The following BCAR3 variants were observed in gnomAD, a reference collection of about 807,000 sequenced individuals.
The protein encoded by BCAR3 is breast cancer anti-estrogen resistance protein 3.
Under a neutral mutation model 80.1 loss-of-function variants are expected in BCAR3, and 37 were observed. That is an observed-to-expected ratio of 0.46 (90% CI 0.36 to 0.61). The LOEUF (loss-of-function observed/expected upper bound fraction) is 0.61. Ranked by LOEUF, BCAR3 falls within the 20% of genes least tolerant of loss-of-function variation. The pLI is 0.00. For missense variants in BCAR3, 978 were observed against 1,068.2 expected, an observed-to-expected ratio of 0.92 and a Z score of 1.18; for synonymous variants, 389 against 418.9, an observed-to-expected ratio of 0.93 and a Z score of 0.87.
intron 2 of BCAR3, among the ~76,000 whole-genome samples, chr1:93,733,899 A>C (rs1426662480): frequency 2.0e-5 from 3 of 152,240 alleles, no homozygotes; most frequent in Non-Finnish European, 2.9e-5. Flanking sequence ...TTAATTTGAA[A>C]AGCAGAATCT....
At chr1:93,729,513 A>G (rs1271803863) in intron 2 of BCAR3, among the ~76,000 whole-genome samples, 1 of 152,228 alleles carries the variant, frequency 6.6e-6, no homozygotes, top group Admixed American at 6.5e-5. Context: ...GGGACCAACC[A>G]GATCTGACAT....
intron 2 of BCAR3, among the ~76,000 whole-genome samples, chr1:93,817,111 C>G (rs1654048746): frequency 6.6e-6 from 1 of 152,248 alleles, no homozygotes; most frequent in South Asian, 2.1e-4. Context: ...GTTCAACCAA[C>G]ACTGTTCTGG....
intron 2 of BCAR3, among the ~76,000 whole-genome samples, chr1:93,743,210 G>C (rs1307540655): frequency 1.3e-5 from 2 of 152,088 alleles, no homozygotes; most frequent in East Asian, 3.9e-4. Context: ...GGTGCTAGGT[G>C]TATTTAAAAC....
At chr1:93,725,136 A>C (rs1275570456) in intron 2 of BCAR3, among the ~76,000 whole-genome samples, 2 of 152,132 alleles carry the variant, frequency 1.3e-5, no homozygotes, top group African/African-American at 2.4e-5. Context: ...TTCATTGTCT[A>C]TGTCCCACTC....
intron 3 of BCAR3, among the ~76,000 whole-genome samples, chr1:93,700,226 C>T (rs567238932): frequency 0.033 from 4,947 of 152,200 alleles, 260 homozygotes; most frequent in African/African-American, 0.11. Context: ...AGGGTCTAGC[C>T]TTGTTGCCCA....
intron 3 of BCAR3, among the ~76,000 whole-genome samples, chr1:93,593,550 T>G (rs962845693): frequency 2.0e-5 from 3 of 151,568 alleles, no homozygotes; most frequent in African/African-American, 4.9e-5. Flanking sequence ...TTTTGTAATT[T>G]TTTTTTTAGA....
Position 93,838,780 on chromosome 1 carries a change from G to A in BCAR3, c.-63+6787C>T, listed in dbSNP as rs543577603. Among the ~76,000 whole-genome samples, 5 of 152,240 alleles carry A rather than the reference G, an allele frequency of 3.3e-5. No individual in the cohort carries two copies. In the South Asian group the frequency reaches 8.3e-4, roughly 25 times the overall value. On this transcript the variant is annotated intron_variant, in intron 2 of 13. Coordinates refer to the BCAR3 transcript ENST00000370244. ...CAAGCAAGGAGGGCAATTTCAGCCG[G>A]TGTATTTGCTACTGGTTGTGACTAT...
At chr1:93,717,832 T>C (rs370926749) in intron 2 of BCAR3, among the ~76,000 whole-genome samples, 2 of 152,116 alleles carry the variant, frequency 1.3e-5, no homozygotes, top group African/African-American at 4.8e-5. Flanking sequence ...CTGCTCATTG[T>C]GGAAAATTGC....
chr1:93,650,831 A>G (rs1676299511), intron 2 of BCAR3, among the ~76,000 whole-genome samples: 1 of 152,126 alleles, frequency 6.6e-6, no homozygotes, highest in Admixed American at 6.5e-5. Context: ...CCACTTGTGC[A>G]AGTAGAAGAT....
intron 2 of BCAR3, among the ~76,000 whole-genome samples, chr1:93,667,731 C>T (rs749945408): frequency 6.6e-6 from 1 of 152,228 alleles, no homozygotes; most frequent in Non-Finnish European, 1.5e-5. Flanking sequence ...TGAAATTCTA[C>T]ATCCAATCCC....
intron 1 of BCAR3, among the ~76,000 whole-genome samples, chr1:93,680,411 GC>G (rs773623722): frequency 8.9e-4 from 136 of 152,278 alleles, no homozygotes; most frequent in Admixed American, 1.9e-3. Context: ...GCAGACAAGC[GC>G]TTTGCCTGTG....
chr1:93,608,465 G>A (rs1027973048), intron 3 of BCAR3, among the ~76,000 whole-genome samples: 4 of 152,310 alleles, frequency 2.6e-5, no homozygotes, highest in African/African-American at 4.8e-5. Flanking sequence ...CTGACCTCTC[G>A]CGCAGGCTGT....
intron 11 of BCAR3, among the ~76,000 whole-genome samples, chr1:93,564,182 G>A (rs1557831626): frequency 6.6e-6 from 1 of 151,622 alleles, no homozygotes; most frequent in Non-Finnish European, 1.5e-5. Flanking sequence ...TCACTGAGTT[G>A]TAAGAGTTCT....
intron 2 of BCAR3, among the ~76,000 whole-genome samples, chr1:93,768,205 C>T (rs1328613152): frequency 1.3e-5 from 2 of 152,076 alleles, no homozygotes; most frequent in Non-Finnish European, 2.9e-5. Flanking sequence ...GCTGGAGAAG[C>T]CAAGTGCCAA....
intron 2 of BCAR3, among the ~76,000 whole-genome samples, chr1:93,726,174 C>G (rs993190967): frequency 2.0e-5 from 3 of 152,108 alleles, no homozygotes; most frequent in Admixed American, 6.6e-5. Flanking sequence ...CAGCGGTTCT[C>G]CCACCTCAGC....
rs542145166 is a variant in BCAR3, at chr1:93,835,227, C to T, written c.-63+10340G>A. 3.3e-5 allele frequency among the ~76,000 whole-genome samples: 5 copies of T among 152,264 alleles called. 1 individual carries two copies. In the South Asian group the frequency reaches 1.0e-3, roughly 32 times the overall value. On this transcript the variant is annotated intron_variant, in intron 2 of 13. Transcript: ENST00000370244. ...AGAGGTTTCCTCACTACTCAAGGGTCCTCCATCATTAATGCCTCTTTAATA... is the reference window on the plus strand; with the variant it reads ...AGAGGTTTCCTCACTACTCAAGGGTTCTCCATCATTAATGCCTCTTTAATA...
At chr1:93,609,589 CAG>C (rs1674890196) in intron 3 of BCAR3, among the ~76,000 whole-genome samples, 1 of 152,200 alleles carries the variant, frequency 6.6e-6, no homozygotes. Flanking sequence ...TACTAACAGT[CAG>C]AGACACAAGG....
intron 2 of BCAR3, among the ~76,000 whole-genome samples, chr1:93,784,597 T>C (rs1308173213): frequency 6.6e-6 from 1 of 152,238 alleles, no homozygotes; most frequent in Non-Finnish European, 1.5e-5. Flanking sequence ...CTGTCCTTTC[T>C]GTGCAGGCTG....
intron 1 of BCAR3, chr1:93,846,918 C>T (rs774710722): frequency 1.8e-4 from 58 of 318,556 alleles, no homozygotes; most frequent in South Asian, 1.7e-4. Flanking sequence ...CAACCCAAAC[C>T]CCGTTTTTCG....
Sources: allele counts gnomAD v4.1 joint callset (sites outside exome capture counted in the v4.1 genomes callset), GRCh38; gene constraint gnomAD v4.1.1; transcripts MANE v1.5; gene names NCBI Gene and HGNC (gene_info 2026-07-23, HGNC 2026-07-21).